Variants in ATG7 observed in about 807,000 individuals in gnomAD.
The protein encoded by ATG7 is ubiquitin-like modifier-activating enzyme ATG7.
A neutral mutation model predicts 82.4 loss-of-function variants in ATG7; 70 were observed. The ratio of observed to expected loss-of-function variants is 0.85; its 90% CI spans 0.70 to 1.04. The LOEUF (loss-of-function observed/expected upper bound fraction) is 1.04. ATG7 is among the 50% of genes least tolerant of loss of function. ATG7 has a pLI of 0.00. For synonymous variants in ATG7, 287 were observed against 313.0 expected (o/e 0.92, Z 0.88); for missense variants, 792 against 864.3 (o/e 0.92, Z 1.05).
rs551048548 is a variant in ATG7, at chr3:11,488,403, C to T, written c.2079+61477C>T. Reference sequence around the variant, plus strand: ...CAAAGACTGAGACAGCTCCGCTGCCCGCTGAACTCCATCCTCCCGGCGGTC... The same window carrying T: ...CAAAGACTGAGACAGCTCCGCTGCCTGCTGAACTCCATCCTCCCGGCGGTC... On this transcript the variant is annotated intron_variant, in intron 20 of 20. Transcript: ENST00000693202. 173 of 1,201,742 alleles carry T rather than the reference C, an allele frequency of 1.4e-4. 3 individuals are homozygous for T. The highest frequency in any genetic ancestry group is 9.4e-4 in the Middle Eastern group (3 of 3,202). The allele number at this position is 1,201,742 out of a possible 1,614,324, so 74.4% of individuals were successfully genotyped here.
intron 14 of ATG7, among the ~76,000 whole-genome samples, chr3:11,353,924 A>C (rs2075746657): frequency 6.6e-6 from 1 of 152,252 alleles, no homozygotes; most frequent in Non-Finnish European, 1.5e-5. Flanking sequence ...CCAGGAGGTC[A>C]TGAGCACCCT....
At chr3:11,476,897 T>C (rs918975998) in intron 20 of ATG7, among the ~76,000 whole-genome samples, 1 of 152,222 alleles carries the variant, frequency 6.6e-6, no homozygotes, top group African/African-American at 2.4e-5. Context: ...GATTAAAGGC[T>C]TCTTTTAATC....
intron 20 of ATG7, among the ~76,000 whole-genome samples, chr3:11,542,744 G>A (rs1171709797): frequency 2.0e-5 from 3 of 152,034 alleles, no homozygotes; most frequent in South Asian, 2.1e-4. Flanking sequence ...ACCCCCTCCC[G>A]GGCGTCAGGT....
chr3:11,525,707 A>C (rs994762623), intron 20 of ATG7, among the ~76,000 whole-genome samples: 4 of 151,724 alleles, frequency 2.6e-5, no homozygotes, highest in African/African-American at 9.7e-5. Context: ...GGTACCCGCC[A>C]CCACACCTGG....
At chr3:11,502,896 C>G (rs933337378) in intron 20 of ATG7, among the ~76,000 whole-genome samples, 3 of 152,156 alleles carry the variant, frequency 2.0e-5, no homozygotes, top group African/African-American at 7.2e-5. Flanking sequence ...TCTCTTATTC[C>G]ATTTTGGAAA....
chr3:11,330,546 T>C (rs1559407485), intron 9 of ATG7, among the ~76,000 whole-genome samples: 1 of 152,208 alleles, frequency 6.6e-6, no homozygotes. Flanking sequence ...TATTATAAGA[T>C]GCTCCAAGCT....
chr3:11,466,086 T>C (rs552640884), intron 20 of ATG7, among the ~76,000 whole-genome samples: 1 of 152,346 alleles, frequency 6.6e-6, no homozygotes, highest in Non-Finnish European at 1.5e-5. Context: ...GTCTGCGGCT[T>C]ATTCCTAATG....
chr3:11,429,472 G>A (rs1414056231), intron 20 of ATG7, among the ~76,000 whole-genome samples: 1 of 151,986 alleles, frequency 6.6e-6, no homozygotes, highest in Non-Finnish European at 1.5e-5. Flanking sequence ...CTCCAGCCTG[G>A]GCGACAGAGC....
chr3:11,543,407 T>C (rs566774173), intron 20 of ATG7, among the ~76,000 whole-genome samples: 3 of 152,218 alleles, frequency 2.0e-5, no homozygotes, highest in Non-Finnish European at 4.4e-5. Flanking sequence ...TGCTCCCATC[T>C]TCCCCCCTGC....
downstream of ATG7, chr3:11,559,479 A>G: frequency 1.3e-6 from 2 of 1,538,514 alleles, no homozygotes; most frequent in African/African-American, 1.4e-5. Context: ...GGGTGTCAGT[A>G]TGTGGAGACC....
intron 20 of ATG7, among the ~76,000 whole-genome samples, chr3:11,449,237 T>C (rs924377748): frequency 6.6e-6 from 1 of 152,236 alleles, no homozygotes; most frequent in Non-Finnish European, 1.5e-5. Flanking sequence ...CTGGGCATGA[T>C]GGCTCATGCC....
chr3:11,319,442 G>C (rs1949911910), intron 9 of ATG7, among the ~76,000 whole-genome samples: 1 of 152,172 alleles, frequency 6.6e-6, no homozygotes, highest in South Asian at 2.1e-4. Flanking sequence ...TTTGAGCCCT[G>C]TGTCCTCATG....
chr3:11,389,377 TAGAGTGTC>T lies in ATG7; in HGVS notation c.1956+9326_1956+9333del, dbSNP rs540587071. On this transcript the variant is annotated intron_variant, in intron 19 of 20. Transcript: ENST00000693202. ...GGATATGAACTTAATCATAGTTTTC[TAGAGTGTC>T]TGACCTTCTCTAGTTTTATATAATT... is the stretch of plus-strand genomic sequence containing the variant. 5.9e-3 allele frequency among the ~76,000 whole-genome samples: 890 copies of T among 151,786 alleles called. 7 individuals carry two copies. Among genetic ancestry groups the T allele is most frequent in the Non-Finnish European group, 7.9e-3 (540 of 67,928 alleles).
chr3:11,563,050 G>A, the ATG7 span, among the ~76,000 whole-genome samples: 2 of 152,220 alleles, frequency 1.3e-5, no homozygotes, highest in Admixed American at 6.5e-5. Context: ...AACTGTGACC[G>A]AAAACCAACT....
At chr3:11,273,488 A>C (rs1345676662) in intron 1 of ATG7, among the ~76,000 whole-genome samples, 1 of 152,152 alleles carries the variant, frequency 6.6e-6, no homozygotes, top group Non-Finnish European at 1.5e-5. Flanking sequence ...GAAAGCTGCT[A>C]GTTTGTCTTC....
intron 19 of ATG7, among the ~76,000 whole-genome samples, chr3:11,393,549 G>A (rs2078983221): frequency 1.3e-5 from 2 of 152,086 alleles, no homozygotes; most frequent in African/African-American, 4.8e-5. Flanking sequence ...GTATAATGTT[G>A]CCAGCCATTC....
intron 14 of ATG7, among the ~76,000 whole-genome samples, chr3:11,354,605 C>T (rs1028029089): frequency 1.5e-5 from 2 of 137,624 alleles, no homozygotes; most frequent in Admixed American, 1.6e-4. Context: ...GCCGAGATCA[C>T]GCCACTGCAC....
At chr3:11,486,719 C>T in intron 20 of ATG7, among the ~76,000 whole-genome samples, 1 of 151,784 alleles carries the variant, frequency 6.6e-6, no homozygotes, top group African/African-American at 2.4e-5. Context: ...CCCATCAGTA[C>T]CTAATTTATT....
chr3:11,565,049 C>G, the ATG7 span: 29 of 1,461,664 alleles, frequency 2.0e-5, no homozygotes, highest in Non-Finnish European at 2.2e-5. The surrounding 1 kb of genome is among the most constrained non-coding windows in gnomAD (Gnocchi z 4.1). Flanking sequence ...ATTCAGGGGG[C>G]GTTTTCTCAA....
Sources: allele counts gnomAD v4.1 joint callset (sites outside exome capture counted in the v4.1 genomes callset), GRCh38; gene constraint gnomAD v4.1.1; non-coding constraint Gnocchi (gnomAD v3.1); transcripts MANE v1.5; gene names NCBI Gene and HGNC (gene_info 2026-07-23, HGNC 2026-07-21).